ZNF804A: variants seen among roughly 807,000 people sequenced by gnomAD.
ZNF804A encodes the protein zinc finger protein 804A.
In ZNF804A, 2 loss-of-function variants were observed where a neutral mutation model predicts 16.5. That is an observed-to-expected ratio of 0.12 (90% CI 0.05 to 0.38). The LOEUF is 0.38. Among genes scored for constraint, ZNF804A ranks in the 10% least tolerant of loss-of-function variants. The probability of loss-of-function intolerance (pLI) is 0.99; values close to 1 mark genes in which losing one functional copy is unlikely to be tolerated. For synonymous variants in ZNF804A, 534 were observed against 489.6 expected, an observed-to-expected ratio of 1.09 and a Z score of -1.20; for missense variants, 1,473 against 1,390.7, an observed-to-expected ratio of 1.06 and a Z score of -0.94.
intron 1 of ZNF804A, among the ~76,000 whole-genome samples, chr2:184,792,593 A>T (rs1694567392): frequency 1.3e-5 from 2 of 152,218 alleles, no homozygotes; most frequent in South Asian, 4.1e-4. Flanking sequence ...TATACTTTGC[A>T]AATGATTTCT....
At chr2:184,878,832 T>C (rs916351079) in intron 2 of ZNF804A, among the ~76,000 whole-genome samples, 1 of 152,054 alleles carries the variant, frequency 6.6e-6, no homozygotes, top group Non-Finnish European at 1.5e-5. Flanking sequence ...TATTTGTTTT[T>C]TTATTCTTTA....
chr2:184,651,493 A>G (rs1347450226), intron 1 of ZNF804A, among the ~76,000 whole-genome samples: 1 of 152,092 alleles, frequency 6.6e-6, no homozygotes, highest in African/African-American at 2.4e-5. Context: ...TATCAATAGA[A>G]TAAACAGACA....
At chr2:184,850,709 AAGAG>A (rs1228714420) in intron 1 of ZNF804A, among the ~76,000 whole-genome samples, 4 of 151,566 alleles carry the variant, frequency 2.6e-5, no homozygotes, top group African/African-American at 9.7e-5. Flanking sequence ...AGCAGTAGGG[AAGAG>A]AGAGAGAGTG....
chr2:184,926,652 T>C (rs998172380), intron 2 of ZNF804A, among the ~76,000 whole-genome samples: 5 of 152,128 alleles, frequency 3.3e-5, no homozygotes, highest in African/African-American at 1.2e-4. Flanking sequence ...ATTGTCCCTT[T>C]TGAGGGTATT....
intron 2 of ZNF804A, among the ~76,000 whole-genome samples, chr2:184,874,403 C>T (rs1696021205): frequency 6.6e-6 from 1 of 151,984 alleles, no homozygotes; most frequent in Admixed American, 6.5e-5. Context: ...ATCATTAAGC[C>T]AGGAAATATC....
At position 184,937,170 on chromosome 2, in the gene ZNF804A, A is replaced by C. The variant is rs1218111805; in HGVS notation, c.1774A>C (p.Lys592Gln). 6.2e-7 allele frequency: 1 copy of C among 1,601,368 alleles called. No individual in the cohort carries two copies. The highest frequency in any genetic ancestry group is 1.8e-5 in the Admixed American group (1 of 56,218). Residue 592 changes from lysine to glutamine, a missense_variant, in exon 4 of 4, where the codon AAA becomes CAA. Coordinates refer to ENST00000302277, the MANE Select transcript of ZNF804A (RefSeq NM_194250.2). ...AGAGACCCATGAATACTGGTTCCAT[A>C]AAAGTAGAAGAAAGAAAAAAAGAAA... ...LKETHEYWFHKSRRKKKRKKL... is the reference protein window; with the variant it reads ...LKETHEYWFHQSRRKKKRKKL...
chr2:184,789,639 A>C (rs1027340884), intron 1 of ZNF804A, among the ~76,000 whole-genome samples: 5 of 151,918 alleles, frequency 3.3e-5, no homozygotes, highest in African/African-American at 1.2e-4. Context: ...GTTCATAGAA[A>C]TCTCTGATGA....
At chr2:184,646,807 C>T (rs927197551) in intron 1 of ZNF804A, among the ~76,000 whole-genome samples, 1 of 152,238 alleles carries the variant, frequency 6.6e-6, no homozygotes, top group Non-Finnish European at 1.5e-5. Flanking sequence ...GCTTGGTGGC[C>T]AGACACTGTA....
In ZNF804A at chr2:184,604,146, C is replaced by CTTTTTTTTTTTTTTTTTTTTTTTTTTT. The variant is rs759053144; in HGVS notation, c.111+5091_111+5117dup. On this transcript the variant is annotated intron_variant, in intron 1 of 3. Transcript: ENST00000302277. ...TTCAGGTTATGGATGACTGCAATTACTTTTTTTTTTTTTTTTTTTTTTTTT... is the reference window on the plus strand; with the variant it reads ...TTCAGGTTATGGATGACTGCAATTACTTTTTTTTTTTTTTTTTTTTTTTTTTTTTTTTTTTTTTTTTTTTTTTTTTTT... Among the ~76,000 whole-genome samples, 4 of 44,862 alleles carry CTTTTTTTTTTTTTTTTTTTTTTTTTTT rather than the reference C, an allele frequency of 8.9e-5. 1 individual carries two copies. The highest frequency in any genetic ancestry group is 1.3e-4 in the Non-Finnish European group (3 of 22,814). 29.4% of individuals were successfully genotyped at this position (44,862 alleles called of 152,430 possible). A position where few individuals can be genotyped will look rare whatever the true frequency, so the allele number is the denominator to read the frequency against.
At chr2:184,763,943 A>G (rs1200263736) in intron 1 of ZNF804A, among the ~76,000 whole-genome samples, 5 of 151,874 alleles carry the variant, frequency 3.3e-5, no homozygotes, top group African/African-American at 1.2e-4. Flanking sequence ...CGCTGGCCCA[A>G]AATGCTTTTT....
Position 184,748,421 on chromosome 2 carries a change from G to A in ZNF804A, c.112-117948G>A, listed in dbSNP as rs138981760. On this transcript the variant is annotated intron_variant, in intron 1 of 3. Coordinates refer to ENST00000302277, the MANE Select transcript of ZNF804A (RefSeq NM_194250.2). Reference sequence around the variant, plus strand: ...TCATACATTTATTGGCCCCTTGAATGTCTTCTTTTGAGAAGTGTCTGTTCA... The same window carrying A: ...TCATACATTTATTGGCCCCTTGAATATCTTCTTTTGAGAAGTGTCTGTTCA... Among the ~76,000 whole-genome samples the A allele has an allele frequency of 2.6e-4, 40 of 151,370 alleles. 1 individual carries two copies. The highest frequency in any genetic ancestry group is 4.9e-4 in the Non-Finnish European group (33 of 67,574).
At chr2:184,708,576 G>T (rs914410266) in intron 1 of ZNF804A, among the ~76,000 whole-genome samples, 1 of 151,984 alleles carries the variant, frequency 6.6e-6, no homozygotes, top group African/African-American at 2.4e-5. Flanking sequence ...ACGGTGCTGG[G>T]ATAACTAGCT....
chr2:184,750,163 G>A (rs921748396), intron 1 of ZNF804A, among the ~76,000 whole-genome samples: 1 of 151,140 alleles, frequency 6.6e-6, no homozygotes, highest in Non-Finnish European at 1.5e-5. Context: ...ATTTATTGAG[G>A]AGTGATAACT....
chr2:184,605,477 C>T, intron 1 of ZNF804A, among the ~76,000 whole-genome samples: 1 of 151,994 alleles, frequency 6.6e-6, no homozygotes, highest in Middle Eastern at 3.2e-3. Context: ...ATGGATTCAA[C>T]CACTGTGGAT....
intron 1 of ZNF804A, among the ~76,000 whole-genome samples, chr2:184,847,185 T>A (rs1158762124): frequency 6.6e-6 from 1 of 152,140 alleles, no homozygotes; most frequent in African/African-American, 2.4e-5. Flanking sequence ...CAGAGGAATC[T>A]ATAGAGATAT....
Position 184,936,902 on chromosome 2 carries a change from T to A in ZNF804A, c.1506T>A (p.Asp502Glu), listed in dbSNP as rs748389317. The change falls in exon 4 of 4, where the codon GAT (aspartate) becomes GAA (glutamate). Residue 502 changes from aspartate (D) to glutamate (E), a missense_variant. Asp to Glu is a conservative substitution (Grantham distance 45). Coordinates refer to ENST00000302277, the MANE Select transcript of ZNF804A (RefSeq NM_194250.2). ...TGGGACCACTTTCAGATTACAAGGATGTATCTACAGAAGGACTCACTGATT... is the reference window on the plus strand; with the variant it reads ...TGGGACCACTTTCAGATTACAAGGAAGTATCTACAGAAGGACTCACTGATT... ...ICMGPLSDYK[D>E]VSTEGLTDYE... The A allele has an allele frequency of 2.4e-5, 38 of 1,613,734 alleles. No individual in the cohort carries two copies. The highest frequency in any genetic ancestry group is 1.6e-4 in the Middle Eastern group (1 of 6,080).
chr2:184,682,568 CCTT>C (rs540738479), intron 1 of ZNF804A, among the ~76,000 whole-genome samples: 90 of 152,038 alleles, frequency 5.9e-4, no homozygotes, highest in African/African-American at 2.1e-3. Context: ...ACTGCATACT[CCTT>C]CATTAAAATA....
intron 1 of ZNF804A, among the ~76,000 whole-genome samples, chr2:184,818,237 G>C (rs958634197): frequency 6.6e-6 from 1 of 151,978 alleles, no homozygotes; most frequent in Non-Finnish European, 1.5e-5. Context: ...ATCCACAAGA[G>C]ACTGGGGGCT....
chr2:184,897,832 A>G lies in ZNF804A; in HGVS notation c.255+31320A>G, dbSNP rs374843933. Reference sequence around the variant, plus strand: ...TCTTTGTTTCTTTATTTGTTTTTAGAAGTTCCTTTCTTTAGGACGCTAGAG... The same window carrying G: ...TCTTTGTTTCTTTATTTGTTTTTAGGAGTTCCTTTCTTTAGGACGCTAGAG... On this transcript the variant is annotated intron_variant, in intron 2 of 3. Coordinates refer to ENST00000302277, the MANE Select transcript of ZNF804A (RefSeq NM_194250.2). Among the ~76,000 whole-genome samples the G allele has an allele frequency of 7.9e-5, 12 of 152,068 alleles. No individual in the cohort carries two copies. The East Asian group carries it at 1.7e-3, about 22-fold the overall frequency.
Sources: gnomAD v4.1 joint callset for allele counts (sites outside exome capture counted in the v4.1 genomes callset) on GRCh38, gnomAD v4.1.1 for gene constraint, MANE v1.5 for transcripts, NCBI Gene and HGNC (gene_info 2026-07-23, HGNC 2026-07-21) for gene names.